The following TMEM217 variants were observed in gnomAD, a reference collection of about 807,000 sequenced individuals.
The protein encoded by TMEM217 is chromosome 6 open reading frame 128.
For missense variants in TMEM217, 204 were observed against 248.8 expected, an observed-to-expected ratio of 0.82 and a Z score of 1.21; for synonymous variants, 76 against 88.3, an observed-to-expected ratio of 0.86 and a Z score of 0.78.
chr6:37,249,212 C>T (rs1765255544), intron 1 of TMEM217, among the ~76,000 whole-genome samples: 1 of 152,102 alleles, frequency 6.6e-6, no homozygotes, highest in Non-Finnish European at 1.5e-5. Flanking sequence ...TTTTTGGGGG[C>T]CACAATTAAG....
At chr6:37,248,968 A>G (rs1182498581) in intron 1 of TMEM217, among the ~76,000 whole-genome samples, 1 of 152,200 alleles carries the variant, frequency 6.6e-6, no homozygotes, top group Non-Finnish European at 1.5e-5. Context: ...TGGTGGCTCC[A>G]GGTATTCCTT....
chr6:37,219,918 C>T (rs1163725511), intron 1 of TMEM217, among the ~76,000 whole-genome samples: 1 of 152,086 alleles, frequency 6.6e-6, no homozygotes, highest in African/African-American at 2.4e-5. Flanking sequence ...TGGCTTTGGG[C>T]AATCGCTTCT....
At chr6:37,230,795 G>C (rs1030009431) in intron 1 of TMEM217, among the ~76,000 whole-genome samples, 2 of 152,114 alleles carry the variant, frequency 1.3e-5, no homozygotes, top group Non-Finnish European at 2.9e-5. Context: ...AAGCAGAACA[G>C]CCTTTCAATT....
At chr6:37,253,721 A>G (rs1271898853) in intron 1 of TMEM217, among the ~76,000 whole-genome samples, 3 of 152,156 alleles carry the variant, frequency 2.0e-5, no homozygotes, top group African/African-American at 7.2e-5. Flanking sequence ...AAAGTCTGCC[A>G]GGGATCTCTC....
chr6:37,242,141 G>T (rs983270923), intron 1 of TMEM217, among the ~76,000 whole-genome samples: 1 of 152,008 alleles, frequency 6.6e-6, no homozygotes, highest in Non-Finnish European at 1.5e-5. Flanking sequence ...ACTGTGAAGG[G>T]CTTGATGTCC....
At chr6:37,222,775 G>A (rs772037058) in intron 1 of TMEM217, among the ~76,000 whole-genome samples, 4 of 152,228 alleles carry the variant, frequency 2.6e-5, no homozygotes, top group Non-Finnish European at 4.4e-5. Flanking sequence ...TTTGGTTTGG[G>A]CGGCTGCAGT....
intron 1 of TMEM217, among the ~76,000 whole-genome samples, chr6:37,244,024 G>A (rs1424541053): frequency 2.0e-5 from 3 of 152,162 alleles, no homozygotes; most frequent in Admixed American, 2.0e-4. Context: ...GGGGAACTGG[G>A]GAAGTTACAA....
rs890637735 is a variant in TMEM217, at chr6:37,217,677, G to A, written c.*745C>T. 6 of 985,060 alleles carry A rather than the reference G, an allele frequency of 6.1e-6. No individual in the cohort carries two copies. In the African/African-American group the frequency reaches 1.0e-4, roughly 17 times the overall value. The allele number at this position is 985,060 out of a possible 1,614,324, so 61.0% of individuals were successfully genotyped here. A position where few individuals can be genotyped will look rare whatever the true frequency, so the allele number is the denominator to read the frequency against. ...CTATTTTTATTCTTTTTCTTATCTG[G>A]AATAAAACAGAAGACACAGTGGGGA... is the stretch of plus-strand genomic sequence containing the variant. On this transcript the variant is annotated 3_prime_UTR_variant, in exon 2 of 2. Transcript: ENST00000357219.
chr6:37,252,962 A>G (rs1765527445), intron 1 of TMEM217, among the ~76,000 whole-genome samples: 1 of 152,104 alleles, frequency 6.6e-6, no homozygotes, highest in Non-Finnish European at 1.5e-5. Flanking sequence ...TATAATATTA[A>G]AAAACGGTAA....
At chr6:37,250,600 T>A (rs561920798) in intron 1 of TMEM217, among the ~76,000 whole-genome samples, 83 of 152,386 alleles carry the variant, frequency 5.4e-4, no homozygotes, top group Middle Eastern at 6.8e-3. Context: ...TCCTAGGTAC[T>A]GTACCTTAAA....
chr6:37,238,187 A>G lies in TMEM217; in HGVS notation c.-11-19146T>C, dbSNP rs182136684. Among the ~76,000 whole-genome samples the G allele has an allele frequency of 4.4e-4, 66 of 151,622 alleles. No homozygotes were observed. The East Asian group carries it at 0.011, about 24-fold the overall frequency. ...ACACTGAAAAAAAAAAACCAAGGAT[A>G]GTAACATTTACCTCACAAAATTGCT... On this transcript the variant is annotated intron_variant, in intron 1 of 1. Transcript: ENST00000357219.
rs991257178 is a variant in TMEM217, at chr6:37,251,664, G to A, written c.-12+5904C>T. Reference sequence around the variant, plus strand: ...GTAATAAAACTCTAAAACATGCATGGGAATGCTGAACATGTAACTCAGGAT... The same window carrying A: ...GTAATAAAACTCTAAAACATGCATGAGAATGCTGAACATGTAACTCAGGAT... On this transcript the variant is annotated intron_variant, in intron 1 of 1. Coordinates refer to ENST00000357219, the Ensembl canonical transcript of TMEM217. 8.5e-5 allele frequency among the ~76,000 whole-genome samples: 13 copies of A among 152,276 alleles called. No individual in the cohort carries two copies. The Middle Eastern group carries it at 0.01, about 120-fold the overall frequency.
chr6:37,251,326 A>G (rs1214921403), intron 1 of TMEM217, among the ~76,000 whole-genome samples: 1 of 152,282 alleles, frequency 6.6e-6, no homozygotes, highest in Non-Finnish European at 1.5e-5. Context: ...ATATTTTGTT[A>G]TAGCAGCCTG....
At chr6:37,233,950 A>G (rs166393) in intron 1 of TMEM217, among the ~76,000 whole-genome samples, 100,486 of 152,064 alleles carry the variant, frequency 0.66, 33,355 homozygotes, top group East Asian at 0.85. Context: ...GCAATAAATT[A>G]CATGAGATAT....
chr6:37,223,459 AAAAC>A (rs1406515416), intron 1 of TMEM217, among the ~76,000 whole-genome samples: 2 of 152,244 alleles, frequency 1.3e-5, no homozygotes, highest in African/African-American at 2.4e-5. Context: ...TACACAAAGC[AAAAC>A]AAACAAATAG....
downstream of TMEM217, among the ~76,000 whole-genome samples, chr6:37,214,862 G>C (rs140347106): frequency 0.013 from 2,000 of 152,180 alleles, 32 homozygotes; most frequent in Middle Eastern, 0.071. Context: ...TTGTCTAGTG[G>C]GTAGCTGCAC....
chr6:37,212,773 G>T (rs1255925743), downstream of TMEM217: 1 of 703,216 alleles, frequency 1.4e-6, no homozygotes, highest in Non-Finnish European at 2.6e-6. Flanking sequence ...GATGATGGTG[G>T]TGAGGGAGAG....
chr6:37,246,199 C>T (rs1208315614), intron 1 of TMEM217, among the ~76,000 whole-genome samples: 1 of 152,180 alleles, frequency 6.6e-6, no homozygotes. Flanking sequence ...CTGCAGTAAT[C>T]AGCTTTTGCC....
At chr6:37,228,025 C>A (rs535903639) in intron 1 of TMEM217, among the ~76,000 whole-genome samples, 2 of 152,084 alleles carry the variant, frequency 1.3e-5, no homozygotes, top group Non-Finnish European at 2.9e-5. Flanking sequence ...GATAAAGAGA[C>A]TTCTAAAGCA....
Sources: allele counts gnomAD v4.1 joint callset (sites outside exome capture counted in the v4.1 genomes callset), GRCh38; gene constraint gnomAD v4.1.1; transcripts MANE v1.5; gene names NCBI Gene and HGNC (gene_info 2026-07-23, HGNC 2026-07-21).